GRIN2A: variants seen among roughly 807,000 people sequenced by gnomAD.
GRIN2A encodes the protein glutamate receptor ionotropic, NMDA 2A.
GRIN2A carries 22 observed loss-of-function variants against 113.4 expected under a neutral mutation model. That is an observed-to-expected ratio of 0.19 (90% CI 0.14 to 0.28). GRIN2A has a LOEUF of 0.28. GRIN2A is among the 10% of genes least tolerant of loss of function. The probability of loss-of-function intolerance (pLI) is 1.00; values close to 1 mark genes in which losing one functional copy is unlikely to be tolerated. For missense variants in GRIN2A, 1,502 were observed against 1,887.0 expected (o/e 0.80, Z 3.78); for synonymous variants, 827 against 738.4 (o/e 1.12, Z -1.94).
At position 9,943,150 on chromosome 16, in the gene GRIN2A, G is replaced by A. The variant is rs1315559275; in HGVS notation, c.415-4599C>T. The A allele has an allele frequency of 2.6e-5, 4 of 152,224 alleles. No homozygotes were observed. The East Asian group carries it at 5.8e-4, about 22-fold the overall frequency. 9.4% of individuals were successfully genotyped at this position (152,224 alleles called of 1,614,324 possible). A position where few individuals can be genotyped will look rare whatever the true frequency, so the allele number is the denominator to read the frequency against. On this transcript the variant is annotated intron_variant, in intron 2 of 12. Coordinates refer to ENST00000330684, the MANE Select transcript of GRIN2A (RefSeq NM_001134407.3). ...ACTTACCTCCTCCTGCCATGGCTCA[G>A]CCTGTATTTTTCGGATTCTACATAT...
chr16:9,770,426 G>T (rs898126716), intron 11 of GRIN2A, among the ~76,000 whole-genome samples: 2 of 152,048 alleles, frequency 1.3e-5, no homozygotes, highest in African/African-American at 4.8e-5. Context: ...TTTTTGGTTT[G>T]TTCTCACTCT....
chr16:9,811,004 A>T (rs142505167), intron 10 of GRIN2A, among the ~76,000 whole-genome samples: 3 of 152,304 alleles, frequency 2.0e-5, no homozygotes, highest in East Asian at 3.9e-4. Flanking sequence ...GCCCAGTGCC[A>T]GGAAAACTCA....
intron 4 of GRIN2A, among the ~76,000 whole-genome samples, chr16:9,876,881 C>A (rs752327829): frequency 2.6e-5 from 4 of 152,066 alleles, no homozygotes. Flanking sequence ...TGGTTCAATC[C>A]CATCAGAGAC....
chr16:9,911,983 G>C lies in GRIN2A; in HGVS notation c.1008-20883C>G, dbSNP rs150643276. On this transcript the variant is annotated intron_variant, in intron 3 of 12. Transcript: ENST00000330684. The stretch of plus-strand genomic sequence containing the variant: ...TCTTAGTTTTCTCAACTGTAAGATG[G>C]GGTTAATATCCCTACCTCATAGTGT... Among the ~76,000 whole-genome samples the C allele has an allele frequency of 4.4e-3, 674 of 152,162 alleles. 3 individuals are homozygous for C. The highest frequency in any genetic ancestry group is 0.015 in the African/African-American group (632 of 41,494).
At chr16:10,094,883 CAAAAAA>C (rs58041208) in intron 2 of GRIN2A, among the ~76,000 whole-genome samples, 7 of 117,448 alleles carry the variant, frequency 6.0e-5, no homozygotes, top group African/African-American at 1.3e-4. Flanking sequence ...GAATGTGCAC[CAAAAAA>C]AAAAAAAAAA....
chr16:9,802,185 T>C (rs1457189339), intron 10 of GRIN2A, among the ~76,000 whole-genome samples: 1 of 152,176 alleles, frequency 6.6e-6, no homozygotes, highest in African/African-American at 2.4e-5. Flanking sequence ...CTATACTGGG[T>C]ATACACCCAA....
chr16:10,155,499 T>C (rs1286168145), intron 2 of GRIN2A, among the ~76,000 whole-genome samples: 1 of 152,200 alleles, frequency 6.6e-6, no homozygotes, highest in Non-Finnish European at 1.5e-5. Flanking sequence ...ACATCCCTTC[T>C]ACAGTCCCTG....
intron 2 of GRIN2A, among the ~76,000 whole-genome samples, chr16:10,121,779 G>A (rs1397170428): frequency 2.0e-5 from 3 of 152,116 alleles, no homozygotes; most frequent in Admixed American, 1.3e-4. Context: ...AGAGAAACCT[G>A]TTCTCCCCAG....
intron 4 of GRIN2A, among the ~76,000 whole-genome samples, chr16:9,852,399 G>A (rs1286311688): frequency 6.6e-6 from 1 of 152,190 alleles, no homozygotes; most frequent in Non-Finnish European, 1.5e-5. Flanking sequence ...CTTTGGTGAT[G>A]TCATTGACCA....
chr16:9,906,706 T>G (rs989734245), intron 3 of GRIN2A, among the ~76,000 whole-genome samples: 8 of 152,198 alleles, frequency 5.3e-5, no homozygotes, highest in Non-Finnish European at 1.0e-4. Flanking sequence ...AAGACACCGT[T>G]TGAGCCTGGA....
At chr16:10,011,400 A>T (rs1431979044) in intron 2 of GRIN2A, among the ~76,000 whole-genome samples, 2 of 152,180 alleles carry the variant, frequency 1.3e-5, no homozygotes, top group East Asian at 3.8e-4. Context: ...GCATCCAACC[A>T]TTCTTCTGTA....
intron 2 of GRIN2A, among the ~76,000 whole-genome samples, chr16:10,175,266 T>G (rs139796871): frequency 2.6e-5 from 4 of 152,284 alleles, no homozygotes; most frequent in Admixed American, 1.3e-4. Context: ...ACTATACATA[T>G]GCATGTATAT....
chr16:9,764,489 C>T lies in GRIN2A; in HGVS notation c.3055G>A (p.Asp1019Asn), dbSNP rs933333894. 4 of 1,614,124 alleles carry T rather than the reference C, an allele frequency of 2.5e-6. No homozygotes were observed. The highest frequency in any genetic ancestry group is 3.3e-4 in the Middle Eastern group (2 of 6,062). ...RPRQLWKKSV[D>N]SIRQDSLSQN... is the part of the protein sequence containing the mutation. ...GATAGTGAATCCTGGCGTATGGAAT[C>T]CACGGATTTCTTCCACAGCTGCCGG... The change falls in exon 13 of 13, where the codon GAT (aspartate) becomes AAT (asparagine). Residue 1019 changes from aspartate (D) to asparagine (N), a missense_variant. Coordinates refer to ENST00000330684, the MANE Select transcript of GRIN2A (RefSeq NM_001134407.3).
chr16:10,069,064 C>A (rs1239194307), intron 2 of GRIN2A, among the ~76,000 whole-genome samples: 4 of 152,020 alleles, frequency 2.6e-5, no homozygotes, highest in South Asian at 2.1e-4. Flanking sequence ...TAGGTTCTAG[C>A]CACCAAGATG....
chr16:10,156,196 T>C (rs1308846036), intron 2 of GRIN2A, among the ~76,000 whole-genome samples: 1 of 152,228 alleles, frequency 6.6e-6, no homozygotes, highest in South Asian at 2.1e-4. Flanking sequence ...TCTCTTGCTA[T>C]GCATGAGGTC....
chr16:9,995,040 T>C (rs1431755424), intron 2 of GRIN2A, among the ~76,000 whole-genome samples: 2 of 152,202 alleles, frequency 1.3e-5, no homozygotes, highest in South Asian at 2.1e-4. Context: ...AAGAATCCCC[T>C]GAGACTGGGA....
intron 2 of GRIN2A, among the ~76,000 whole-genome samples, chr16:10,178,237 T>C (rs2050190649): frequency 6.6e-6 from 1 of 152,174 alleles, no homozygotes. Flanking sequence ...ACAAAAGCCC[T>C]CTAGGCTGTG....
intron 10 of GRIN2A, among the ~76,000 whole-genome samples, chr16:9,811,763 A>G (rs527410145): frequency 2.0e-5 from 3 of 152,116 alleles, no homozygotes; most frequent in African/African-American, 4.8e-5. Flanking sequence ...TGTCTCAAAA[A>G]ACAAACAAAC....
chr16:10,047,423 T>C (rs1673752724), intron 2 of GRIN2A, among the ~76,000 whole-genome samples: 2 of 152,240 alleles, frequency 1.3e-5, no homozygotes, highest in Admixed American at 6.5e-5. Context: ...GGCAAACAAT[T>C]AGTACCCAAT....
Sources: allele counts gnomAD v4.1 joint callset (sites outside exome capture counted in the v4.1 genomes callset), GRCh38; gene constraint gnomAD v4.1.1; transcripts MANE v1.5; gene names NCBI Gene and HGNC (gene_info 2026-07-23, HGNC 2026-07-21).